SLIT3: variants seen among roughly 807,000 people sequenced by gnomAD.
SLIT3 encodes slit guidance ligand 3, also known as slit homolog 3 protein.
Under a neutral mutation model 184.0 loss-of-function variants are expected in SLIT3, and 68 were observed. That is an observed-to-expected ratio of 0.37 (90% CI 0.30 to 0.45). The LOEUF (loss-of-function observed/expected upper bound fraction) is 0.45. Among genes scored for constraint, SLIT3 ranks in the 20% least tolerant of loss-of-function variants. The pLI is 1.00. For missense variants in SLIT3, 1,707 were observed against 2,026.0 expected, an observed-to-expected ratio of 0.84 and a Z score of 3.02; for synonymous variants, 831 against 828.6, an observed-to-expected ratio of 1.00 and a Z score of -0.05.
At chr5:169,217,142 A>AC (rs1478636175) in intron 3 of SLIT3, among the ~76,000 whole-genome samples, 4 of 148,456 alleles carry the variant, frequency 2.7e-5, no homozygotes, top group Non-Finnish European at 6.0e-5. Flanking sequence ...AAAAAAAAAA[A>AC]AAAAAAAAAA....
At chr5:169,033,323 T>C (rs1757110695) in intron 4 of SLIT3, among the ~76,000 whole-genome samples, 1 of 152,190 alleles carries the variant, frequency 6.6e-6, no homozygotes, top group African/African-American at 2.4e-5. Context: ...TCTAGACATA[T>C]ACCACAGTGT....
intron 23 of SLIT3, among the ~76,000 whole-genome samples, chr5:168,717,844 T>C (rs1478520427): frequency 2.0e-5 from 3 of 152,206 alleles, no homozygotes; most frequent in East Asian, 1.9e-4. Context: ...GTAGTTTTAG[T>C]GGAGACGAGG....
intron 4 of SLIT3, among the ~76,000 whole-genome samples, chr5:169,147,402 G>A (rs1761961094): frequency 6.6e-6 from 1 of 152,146 alleles, no homozygotes; most frequent in Admixed American, 6.5e-5. Context: ...CTGAGCAGCT[G>A]TGACTATGGG....
chr5:169,138,967 C>T (rs1276968779), intron 4 of SLIT3, among the ~76,000 whole-genome samples: 2 of 152,182 alleles, frequency 1.3e-5, no homozygotes, highest in African/African-American at 4.8e-5. Flanking sequence ...CACATCCAGC[C>T]CCACTGCTCC....
intron 29 of SLIT3, among the ~76,000 whole-genome samples, chr5:168,688,932 T>TAA (rs1395562863): frequency 1.3e-5 from 2 of 152,236 alleles, no homozygotes; most frequent in African/African-American, 2.4e-5. Context: ...TCCAATATTT[T>TAA]AAGCCTGGAC....
intron 4 of SLIT3, among the ~76,000 whole-genome samples, chr5:168,926,622 T>G (rs781129174): frequency 6.6e-5 from 10 of 152,198 alleles, no homozygotes; most frequent in Admixed American, 2.0e-4. Flanking sequence ...ACCTTTTAGC[T>G]TGTCATTGCT....
chr5:169,243,434 T>C (rs1765472232), intron 3 of SLIT3, among the ~76,000 whole-genome samples: 2 of 152,236 alleles, frequency 1.3e-5, no homozygotes, highest in African/African-American at 4.8e-5. Context: ...ATTCATTCTT[T>C]TTATAATTAT....
At chr5:169,005,994 A>G (rs951284391) in intron 4 of SLIT3, among the ~76,000 whole-genome samples, 3 of 152,234 alleles carry the variant, frequency 2.0e-5, no homozygotes, top group African/African-American at 7.2e-5. Context: ...AATCTTCAAC[A>G]GGCAATTCCT....
At chr5:169,186,229 G>T (rs1488664164) in intron 4 of SLIT3, among the ~76,000 whole-genome samples, 1 of 152,106 alleles carries the variant, frequency 6.6e-6, no homozygotes, top group East Asian at 1.9e-4. Flanking sequence ...CATTAGGGTG[G>T]ATCCCTAATC....
intron 32 of SLIT3, among the ~76,000 whole-genome samples, chr5:168,676,287 G>C (rs1176408105): frequency 1.3e-5 from 2 of 152,170 alleles, no homozygotes; most frequent in Admixed American, 1.3e-4. Context: ...GGGAAGATAG[G>C]GTAACTGCAC....
chr5:168,862,161 G>A (rs1759133973), intron 5 of SLIT3, among the ~76,000 whole-genome samples: 1 of 152,140 alleles, frequency 6.6e-6, no homozygotes. Flanking sequence ...GATATTTAAG[G>A]CATGACACAA....
chr5:168,740,573 A>G (rs2113427556), intron 20 of SLIT3, among the ~76,000 whole-genome samples: 1 of 152,278 alleles, frequency 6.6e-6, no homozygotes, highest in East Asian at 1.9e-4. Flanking sequence ...TCTGAACCAG[A>G]GGCTCCCAGC....
chr5:169,141,042 GT>G (rs1360791660), intron 4 of SLIT3, among the ~76,000 whole-genome samples: 1 of 152,044 alleles, frequency 6.6e-6, no homozygotes, highest in Non-Finnish European at 1.5e-5. Context: ...CTCAACTTAC[GT>G]TTTTTCCTTT....
intron 1 of SLIT3, among the ~76,000 whole-genome samples, chr5:169,258,009 T>C (rs1334771744): frequency 6.6e-6 from 1 of 152,226 alleles, no homozygotes; most frequent in Non-Finnish European, 1.5e-5. Flanking sequence ...TTTGTGTTCA[T>C]TTATCTAATC....
intron 4 of SLIT3, among the ~76,000 whole-genome samples, chr5:169,177,449 T>C (rs185823773): frequency 6.6e-6 from 1 of 152,198 alleles, no homozygotes; most frequent in Admixed American, 6.5e-5. Flanking sequence ...CAGCACTTCT[T>C]GGGAGGGGAG....
At chr5:169,126,915 G>T (rs1761099543) in intron 4 of SLIT3, among the ~76,000 whole-genome samples, 1 of 90,602 alleles carries the variant, frequency 1.1e-5, no homozygotes, top group African/African-American at 3.6e-5. Context: ...TCTTTACTGA[G>T]ATCCACTGGG....
In SLIT3 at chr5:169,061,692, A is replaced by G. The variant is rs146110093; in HGVS notation, c.413+131787T>C. Among the ~76,000 whole-genome samples, 80 of 152,304 alleles carry G rather than the reference A, an allele frequency of 5.3e-4. 1 individual carries two copies. In the East Asian group the frequency reaches 0.012, roughly 23 times the overall value. On this transcript the variant is annotated intron_variant, in intron 4 of 35. Coordinates refer to ENST00000519560, the MANE Select transcript of SLIT3 (RefSeq NM_003062.4). ...GTATAAGCCATGCACGATGCAGCGCAAGGATGCATGAGGGCCTGGACTAGG... is the reference window on the plus strand; with the variant it reads ...GTATAAGCCATGCACGATGCAGCGCGAGGATGCATGAGGGCCTGGACTAGG...
At chr5:169,174,556 T>C (rs767146407) in intron 4 of SLIT3, among the ~76,000 whole-genome samples, 2 of 152,180 alleles carry the variant, frequency 1.3e-5, no homozygotes, top group Non-Finnish European at 2.9e-5. Flanking sequence ...TGACGTCAAA[T>C]GGGATACCAC....
chr5:168,985,112 A>G (rs988210111), intron 4 of SLIT3, among the ~76,000 whole-genome samples: 13 of 152,342 alleles, frequency 8.5e-5, no homozygotes, highest in Middle Eastern at 3.4e-3. Context: ...GAATTCTCTA[A>G]GATCAGGGAT....
Sources: allele counts gnomAD v4.1 joint callset (sites outside exome capture counted in the v4.1 genomes callset), GRCh38; gene constraint gnomAD v4.1.1; transcripts MANE v1.5; gene names NCBI Gene and HGNC (gene_info 2026-07-23, HGNC 2026-07-21).